PPP1R12A: variants seen among roughly 807,000 people sequenced by gnomAD.
The protein encoded by PPP1R12A is myosin binding subunit.
PPP1R12A carries 19 observed loss-of-function variants against 139.6 expected under a neutral mutation model. The observed-to-expected ratio is 0.14, with a 90% CI of 0.09 to 0.20. The LOEUF (loss-of-function observed/expected upper bound fraction) is 0.20, where lower values mean the gene tolerates loss of function less well. Among genes scored for constraint, PPP1R12A ranks in the 10% least tolerant of loss-of-function variants. The pLI, the probability that PPP1R12A is intolerant of heterozygous loss-of-function variation, is 1.00. For missense variants in PPP1R12A, 925 were observed against 1,211.5 expected (o/e 0.76, Z 3.51); for synonymous variants, 427 against 420.6 (o/e 1.02, Z -0.19).
chr12:79,820,904 C>G lies in PPP1R12A; in HGVS notation c.984G>C (p.Glu328Asp), dbSNP rs374307422. The G allele has an allele frequency of 4.3e-6, 7 of 1,613,314 alleles. No individual in the cohort carries two copies. In the African/African-American group the frequency reaches 8.0e-5, roughly 18 times the overall value. Residue 328 changes from glutamate (E) to aspartate (D), a missense_variant, in exon 8 of 25, where the codon GAG becomes GAC. Physicochemically the swap from Glu to Asp is conservative, Grantham distance 45. Around this residue, in one of 4 missense-constraint regions of PPP1R12A, gnomAD observed 403 missense variants for 463.7 expected, o/e 0.87. Transcript: ENST00000450142. The stretch of plus-strand genomic sequence containing the variant: ...GAGATTCAATACGGGATGCATTTTT[C>G]TCTGGTTCAATAATCAACGTCTCTT... Reference protein sequence around the residue: ...KNKETLIIEPEKNASRIESLE... With the variant: ...KNKETLIIEPDKNASRIESLE...
chr12:79,809,683 T>C, intron 10 of PPP1R12A, 112 bp downstream of exon 10: 1 of 757,186 alleles, frequency 1.3e-6, no homozygotes, highest in Non-Finnish European at 2.1e-6. Context: ...TTAAGGTTAA[T>C]TAACTTGATA....
chr12:79,885,952 T>C (rs761876914), intron 1 of PPP1R12A, among the ~76,000 whole-genome samples: 3 of 152,128 alleles, frequency 2.0e-5, no homozygotes, highest in Admixed American at 6.5e-5. Flanking sequence ...TGCTTTGGCC[T>C]CCCAAAGTGC....
At position 79,793,788 on chromosome 12, in the gene PPP1R12A, CAT is replaced by C. The variant is rs1872176487; in HGVS notation, c.2649+73_2649+74del. ...GCAATAACTGCTTTGCATGAATAAA[CAT>C]AATAAAACGCAATTTAAAAGTAATT... On this transcript the variant is annotated intron_variant, in intron 19 of 24. Transcript: ENST00000450142. The C allele has an allele frequency of 3.4e-6, 4 of 1,181,368 alleles. No homozygotes were observed. In the Admixed American group the frequency reaches 8.8e-5, roughly 26 times the overall value. The allele number at this position is 1,181,368 out of a possible 1,614,324, so 73.2% of individuals were successfully genotyped here. A position where few individuals can be genotyped will look rare whatever the true frequency, so the allele number is the denominator to read the frequency against.
At chr12:79,889,885 T>C (rs1884434403) in intron 1 of PPP1R12A, among the ~76,000 whole-genome samples, 2 of 152,148 alleles carry the variant, frequency 1.3e-5, no homozygotes, top group South Asian at 4.1e-4. Flanking sequence ...TATCCTCATA[T>C]GGTGGAAGGG....
At chr12:79,850,227 T>C (rs193196395) in intron 2 of PPP1R12A, among the ~76,000 whole-genome samples, 7 of 152,332 alleles carry the variant, frequency 4.6e-5, no homozygotes, top group Non-Finnish European at 7.3e-5. Flanking sequence ...ATGAGTAAGC[T>C]TCCAAATCAA....
chr12:79,849,335 C>T lies in PPP1R12A; in HGVS notation c.369-3915G>A, dbSNP rs149059446. 5.1e-3 allele frequency among the ~76,000 whole-genome samples: 776 copies of T among 151,802 alleles called. 4 individuals are homozygous for T. Among genetic ancestry groups the T allele is most frequent in the African/African-American group, 0.018 (734 of 41,362 alleles). ...CCAGAAGGCAGAGGTTGTAGTGAGC[C>T]GAGATTGTGCCACTGCATTCCAGTC... On this transcript the variant is annotated intron_variant, in intron 2 of 24. Coordinates refer to ENST00000450142, the MANE Select transcript of PPP1R12A (RefSeq NM_002480.3).
chr12:79,842,908 T>C (rs1009295555), intron 3 of PPP1R12A, among the ~76,000 whole-genome samples: 1 of 152,150 alleles, frequency 6.6e-6, no homozygotes, highest in African/African-American at 2.4e-5. Context: ...ACAGCTTTTT[T>C]CATCTTGCAA....
intron 16 of PPP1R12A, 49 bp downstream of exon 16, chr12:79,797,146 A>T: frequency 1.4e-6 from 2 of 1,444,876 alleles, no homozygotes; most frequent in Non-Finnish European, 1.9e-6. Flanking sequence ...AAGGATCATA[A>T]GGACTATTCA....
At chr12:79,847,814 A>G (rs1879581468) in intron 2 of PPP1R12A, among the ~76,000 whole-genome samples, 1 of 152,158 alleles carries the variant, frequency 6.6e-6, no homozygotes, top group Non-Finnish European at 1.5e-5. Context: ...AAAAGAGAAC[A>G]GAAGGGCAAT....
Position 79,809,810 on chromosome 12 carries a change from C to G in PPP1R12A, c.1440G>C (p.Leu480Phe). The G allele has an allele frequency of 6.2e-7, 1 of 1,611,512 alleles. No homozygotes were observed. The highest frequency in any genetic ancestry group is 8.5e-7 in the Non-Finnish European group (1 of 1,178,268). Reference protein sequence around the residue: ...SASSPRLSSSLDNKEKEKDSK... With the variant: ...SASSPRLSSSFDNKEKEKDSK... ...AATAGATTACCTTTTCTTTATTATC[C>G]AAAGAGGAGGAAAGTCTGGGACTTG... Residue 480 changes from leucine (L) to phenylalanine (F), a missense_variant, in exon 10 of 25, where the codon TTG becomes TTC. Transcript: ENST00000450142.
intron 3 of PPP1R12A, among the ~76,000 whole-genome samples, chr12:79,834,540 A>T (rs1877843236): frequency 1.3e-5 from 2 of 152,198 alleles, no homozygotes; most frequent in South Asian, 4.1e-4. Context: ...AAGGCTTACC[A>T]AGAGAATTTG....
chr12:79,867,788 G>A (rs1882137257), intron 2 of PPP1R12A, among the ~76,000 whole-genome samples: 1 of 152,106 alleles, frequency 6.6e-6, no homozygotes, highest in Admixed American at 6.6e-5. Context: ...CTGTTCTTGT[G>A]ACAGTGAGTG....
intron 24 of PPP1R12A, among the ~76,000 whole-genome samples, chr12:79,778,021 G>A (rs1347799051): frequency 6.6e-6 from 1 of 152,102 alleles, no homozygotes; most frequent in Non-Finnish European, 1.5e-5. Context: ...GTGGTAAGAG[G>A]TAATCAATTA....
At position 79,774,699 on chromosome 12, in the gene PPP1R12A, A is replaced by G. The variant is rs1193001584; in HGVS notation, c.*1230T>C. On this transcript the variant is annotated 3_prime_UTR_variant, in exon 25 of 25. Transcript: ENST00000450142. Reference sequence around the variant, plus strand: ...GAACATGATGGTGGTATCAAAGTCGATGCCTCTTCACATGGCAATAACAGT... The same window carrying G: ...GAACATGATGGTGGTATCAAAGTCGGTGCCTCTTCACATGGCAATAACAGT... 5 of 151,766 alleles carry G rather than the reference A, an allele frequency of 3.3e-5. No homozygotes were observed. Among genetic ancestry groups the G allele is most frequent in the African/African-American group, 1.2e-4 (5 of 41,166 alleles). 9.4% of individuals were successfully genotyped at this position (151,766 alleles called of 1,614,324 possible). A position where few individuals can be genotyped will look rare whatever the true frequency, so the allele number is the denominator to read the frequency against.
At chr12:79,866,619 C>A (rs1881991713) in intron 2 of PPP1R12A, among the ~76,000 whole-genome samples, 1 of 152,008 alleles carries the variant, frequency 6.6e-6, no homozygotes, top group Admixed American at 6.6e-5. Context: ...CTTAAATTTA[C>A]AAGAAAAAAG....
chr12:79,886,298 A>G (rs1055543620), intron 1 of PPP1R12A, among the ~76,000 whole-genome samples: 1 of 152,232 alleles, frequency 6.6e-6, no homozygotes, highest in Non-Finnish European at 1.5e-5. Context: ...CTCTTGCATT[A>G]GAATACTGGC....
At chr12:79,890,675 C>G (rs938674853) in intron 1 of PPP1R12A, among the ~76,000 whole-genome samples, 1 of 152,098 alleles carries the variant, frequency 6.6e-6, no homozygotes, top group African/African-American at 2.4e-5. Flanking sequence ...GGACAATCAA[C>G]ATTAATTGAA....
intron 19 of PPP1R12A, among the ~76,000 whole-genome samples, chr12:79,793,419 T>C (rs1872131740): frequency 6.6e-6 from 1 of 152,232 alleles, no homozygotes; most frequent in East Asian, 1.9e-4. Context: ...AGAACATAAC[T>C]TTGAAATAAA....
At chr12:79,794,616 G>T (rs1040557199) in intron 18 of PPP1R12A, among the ~76,000 whole-genome samples, 1 of 151,516 alleles carries the variant, frequency 6.6e-6, no homozygotes, top group Non-Finnish European at 1.5e-5. Context: ...TAACAGAAAA[G>T]ATATATTATA....
Sources: allele counts gnomAD v4.1 joint callset (sites outside exome capture counted in the v4.1 genomes callset), GRCh38; gene constraint gnomAD v4.1.1; regional missense constraint gnomAD v4.1.1; transcripts MANE v1.5; gene names NCBI Gene and HGNC (gene_info 2026-07-23, HGNC 2026-07-21).